Variants in GLI3 observed in about 807,000 individuals in gnomAD.
GLI3 encodes transcription activator GLI3.
In GLI3, 20 loss-of-function variants were observed where a neutral mutation model predicts 100.8. That is an observed-to-expected ratio of 0.20 (90% CI 0.14 to 0.29). GLI3 has a LOEUF of 0.29. Among genes scored for constraint, GLI3 ranks in the 10% least tolerant of loss-of-function variants. The pLI is 1.00. For synonymous variants in GLI3, 938 were observed against 860.5 expected (o/e 1.09, Z -1.58); for missense variants, 2,040 against 2,128.5 (o/e 0.96, Z 0.82).
At chr7:42,088,576 C>T (rs1785152545) in intron 3 of GLI3, among the ~76,000 whole-genome samples, 1 of 152,268 alleles carries the variant, frequency 6.6e-6, no homozygotes, top group Non-Finnish European at 1.5e-5. Flanking sequence ...GGCATCCTGC[C>T]TGGGCCTGCA....
intron 3 of GLI3, among the ~76,000 whole-genome samples, chr7:42,118,923 AAACTATGAAGGGAAG>A (rs1412460109): frequency 1.3e-5 from 2 of 152,198 alleles, no homozygotes; most frequent in African/African-American, 4.8e-5. Flanking sequence ...GTGAAACCCA[AAACTATGAAGGGAAG>A]AACACCATTT....
rs763777252 is a variant in GLI3, at chr7:41,967,842, C to T, written c.2185G>A (p.Glu729Lys). ...PISNYSNSGL[E>K]LPLTDGGSIG... Reference sequence around the variant, plus strand: ...CTACCTCCATCGGTCAGAGGAAGCTCGAGCCCACTGTTGGAATAGTTGCTG... The same window carrying T: ...CTACCTCCATCGGTCAGAGGAAGCTTGAGCCCACTGTTGGAATAGTTGCTG... The change falls in exon 14 of 15, where the codon GAG becomes AAG. Residue 729 changes from glutamate (E) to lysine (K), a missense_variant. By Grantham distance (56) the Glu-to-Lys change is moderately conservative. This residue lies in a region of GLI3 where 327 missense variants were observed against 338.7 expected (regional missense o/e 0.97). Coordinates refer to ENST00000395925, the MANE Select transcript of GLI3 (RefSeq NM_000168.6). 1.9e-5 allele frequency: 30 copies of T among 1,614,078 alleles called. No individual in the cohort carries two copies. Among genetic ancestry groups the T allele is most frequent in the South Asian group, 7.7e-5 (7 of 91,070 alleles).
At chr7:42,158,493 ATTT>A (rs201692522) in intron 2 of GLI3, among the ~76,000 whole-genome samples, 2 of 142,808 alleles carry the variant, frequency 1.4e-5, no homozygotes, top group East Asian at 4.0e-4. Context: ...TGTGAAGACT[ATTT>A]TTTTTTTTTT....
In GLI3 at chr7:41,963,730, G is replaced by A. The variant is rs1458186144; in HGVS notation, c.*600C>T. 6.5e-6 allele frequency: 1 copy of A among 153,294 alleles called. No homozygotes were observed. The allele number at this position is 153,294 out of a possible 1,614,324, so 9.5% of individuals were successfully genotyped here. The stretch of plus-strand genomic sequence containing the variant: ...CTGTGGAATGCCCTGAACTGAATTG[G>A]AGATGGGGGGAACATCAATATTCTG... On this transcript the variant is annotated 3_prime_UTR_variant, in exon 15 of 15. Coordinates refer to ENST00000395925, the MANE Select transcript of GLI3 (RefSeq NM_000168.6).
intron 3 of GLI3, among the ~76,000 whole-genome samples, chr7:42,118,956 C>A (rs1275355557): frequency 6.6e-6 from 1 of 152,152 alleles, no homozygotes; most frequent in Admixed American, 6.5e-5. Flanking sequence ...TTTGGGTGAC[C>A]CTTTCACAGT....
At chr7:41,975,984 C>A (rs1787499641) in intron 12 of GLI3, among the ~76,000 whole-genome samples, 2 of 152,148 alleles carry the variant, frequency 1.3e-5, no homozygotes, top group South Asian at 4.1e-4. Flanking sequence ...TTAAATTGCA[C>A]AATTCAGTGG....
chr7:42,253,441 G>C (rs1789054018), intron 1 of GLI3, among the ~76,000 whole-genome samples: 1 of 152,204 alleles, frequency 6.6e-6, no homozygotes, highest in African/African-American at 2.4e-5. Flanking sequence ...GCCACCCTTT[G>C]AGAAGCCCTG....
chr7:41,995,482 G>A (rs896615119), intron 10 of GLI3, among the ~76,000 whole-genome samples: 29 of 152,034 alleles, frequency 1.9e-4, no homozygotes, highest in African/African-American at 6.5e-4. Context: ...TTTTCCTGAT[G>A]TTCAGAGGGG....
intron 10 of GLI3, among the ~76,000 whole-genome samples, chr7:42,000,742 C>T (rs1788263883): frequency 6.6e-6 from 1 of 152,120 alleles, no homozygotes; most frequent in South Asian, 2.1e-4. Context: ...ACAAAACCCA[C>T]AGTGGAGGCA....
At chr7:42,077,370 CTT>C (rs1554323165) in intron 3 of GLI3, among the ~76,000 whole-genome samples, 15 of 110,130 alleles carry the variant, frequency 1.4e-4, no homozygotes, top group Non-Finnish European at 1.0e-4. Flanking sequence ...GCATGTGCTT[CTT>C]TTTTTTTTTT....
intron 2 of GLI3, among the ~76,000 whole-genome samples, chr7:42,165,825 C>A (rs13244278): frequency 0.059 from 8,961 of 152,190 alleles, 271 homozygotes; most frequent in Admixed American, 0.11. Flanking sequence ...TCTAGTCTTG[C>A]AAACAAAGTT....
At chr7:42,174,844 C>A (rs1787447332) in intron 2 of GLI3, among the ~76,000 whole-genome samples, 1 of 152,148 alleles carries the variant, frequency 6.6e-6, no homozygotes, top group East Asian at 1.9e-4. Flanking sequence ...CACTGAACTC[C>A]CCGAGCGCCA....
At chr7:41,971,865 C>T (rs10263647) in intron 13 of GLI3, among the ~76,000 whole-genome samples, 78,755 of 152,002 alleles carry the variant, frequency 0.52, 21,647 homozygotes, top group East Asian at 0.81. Flanking sequence ...CGTCCCTCTC[C>T]TGAATCCTCT....
At chr7:42,227,651 C>G (rs1240827281) in intron 1 of GLI3, 5 of 152,132 alleles carry the variant, frequency 3.3e-5, no homozygotes, top group Non-Finnish European at 7.3e-5. Context: ...AGCCACTGAC[C>G]TGGTGACGCT....
At chr7:41,985,264 T>C (rs1186244429) in intron 10 of GLI3, among the ~76,000 whole-genome samples, 2 of 152,276 alleles carry the variant, frequency 1.3e-5, no homozygotes, top group Admixed American at 1.3e-4. Context: ...AAATGTTTGA[T>C]AGTTTCAAAA....
chr7:42,201,412 C>T (rs1788036388), intron 2 of GLI3, among the ~76,000 whole-genome samples: 1 of 152,120 alleles, frequency 6.6e-6, no homozygotes, highest in South Asian at 2.1e-4. Flanking sequence ...AGCTAAGGGA[C>T]AGGTTAAGTA....
At chr7:42,140,530 AT>A (rs1420759345) in intron 3 of GLI3, among the ~76,000 whole-genome samples, 1 of 152,214 alleles carries the variant, frequency 6.6e-6, no homozygotes, top group Non-Finnish European at 1.5e-5. Flanking sequence ...ATAGACCCAA[AT>A]TTAATAGCTT....
At chr7:42,210,647 C>T (rs1044455545) in intron 2 of GLI3, among the ~76,000 whole-genome samples, 3 of 151,724 alleles carry the variant, frequency 2.0e-5, no homozygotes, top group Admixed American at 1.3e-4. Context: ...AAGTAGTAAA[C>T]GAAAATAAAA....
At chr7:41,980,842 A>G (rs1359928990) in intron 10 of GLI3, among the ~76,000 whole-genome samples, 1 of 152,222 alleles carries the variant, frequency 6.6e-6, no homozygotes, top group Non-Finnish European at 1.5e-5. Context: ...GCTGGAGAAC[A>G]TGACAGACAT....
Sources: allele counts gnomAD v4.1 joint callset (sites outside exome capture counted in the v4.1 genomes callset), GRCh38; gene constraint gnomAD v4.1.1; regional missense constraint gnomAD v4.1.1; transcripts MANE v1.5; gene names NCBI Gene and HGNC (gene_info 2026-07-23, HGNC 2026-07-21).